The following PCDH11X variants were observed in gnomAD, a reference collection of about 807,000 sequenced individuals.
PCDH11X encodes the protein protocadherin-11 X-linked.
PCDH11X carries 18 observed loss-of-function variants against 53.3 expected under a neutral mutation model. That is an observed-to-expected ratio of 0.34 (90% CI 0.23 to 0.50). The LOEUF is 0.50. PCDH11X is among the 20% of genes least tolerant of loss of function. PCDH11X has a pLI of 0.98. For missense variants in PCDH11X, 570 were observed against 1,032.4 expected (o/e 0.55, Z 6.14); for synonymous variants, 279 against 393.3 (o/e 0.71, Z 3.44).
chrX:92,350,615 C>G (rs747524692), intron 8 of PCDH11X, among the ~76,000 whole-genome samples: 4 of 111,556 alleles, frequency 3.6e-5, no homozygotes, highest in African/African-American at 1.3e-4. Context: ...TCTCCCAGGT[C>G]CTGTAGGAGC....
At chrX:92,065,711 T>A (rs1487120573) in intron 6 of PCDH11X, among the ~76,000 whole-genome samples, 1 of 104,479 alleles carries the variant, frequency 9.6e-6, no homozygotes. Flanking sequence ...ATTGTTAGAT[T>A]TTTTTTCCTC....
intron 6 of PCDH11X, among the ~76,000 whole-genome samples, chrX:92,023,253 A>C (rs147501007): frequency 0.013 from 1,420 of 110,014 alleles, 17 homozygotes; most frequent in Non-Finnish European, 0.019. Flanking sequence ...AAAAAAAATT[A>C]ACAAAATAGA....
At chrX:91,872,609 A>G (rs1939387170) in intron 5 of PCDH11X, among the ~76,000 whole-genome samples, 2 of 108,236 alleles carry the variant, frequency 1.8e-5, no homozygotes, top group African/African-American at 6.7e-5. Context: ...ACACATAGAG[A>G]GTTTGCCCCT....
At position 92,016,901 on chromosome X, in the gene PCDH11X, C is replaced by T. The variant is rs770708341; in HGVS notation, c.3033+137628C>T. On this transcript the variant is annotated intron_variant, in intron 6 of 10. Transcript: ENST00000682573. ...CTTTTGGTATGCTTTCCTCAATAAA[C>T]TTAATCATTTTTAGCTTCTAATTTA... Among the ~76,000 whole-genome samples the T allele has an allele frequency of 3.3e-3, 359 of 107,300 alleles. 3 individuals are homozygous for T. The highest frequency in any genetic ancestry group is 0.011 in the African/African-American group (336 of 29,420). 93.2% of individuals were successfully genotyped at this position (107,300 alleles called of 115,157 possible).
chrX:92,588,312 C>T (rs1924624153), intron 10 of PCDH11X, among the ~76,000 whole-genome samples: 1 of 97,807 alleles, frequency 1.0e-5, no homozygotes, highest in Non-Finnish European at 2.0e-5. Flanking sequence ...GTCCTTTGTG[C>T]ATTGTTTAAA....
chrX:92,141,384 A>C (rs1052243718), intron 6 of PCDH11X, among the ~76,000 whole-genome samples: 2 of 112,056 alleles, frequency 1.8e-5, no homozygotes, highest in African/African-American at 6.5e-5. Flanking sequence ...CAACATGATT[A>C]AGTACTTAGT....
Position 92,451,169 on chromosome X carries a change from A to G in PCDH11X, c.3344-17130A>G, listed in dbSNP as rs2072771195. On this transcript the variant is annotated intron_variant, in intron 9 of 10. Transcript: ENST00000682573. ...CAAGAAGTTTGTTTGCAGTTTGCCC[A>G]TACCTTCACAGTAACCCGACTGCTA... Among the ~76,000 whole-genome samples, 4 of 110,854 alleles carry G rather than the reference A, an allele frequency of 3.6e-5. No individual in the cohort carries two copies. In the South Asian group the frequency reaches 1.2e-3, roughly 32 times the overall value.
chrX:91,796,389 G>GT (rs1247794653), intron 1 of PCDH11X, among the ~76,000 whole-genome samples: 1 of 110,774 alleles, frequency 9.0e-6, no homozygotes, highest in Non-Finnish European at 1.9e-5. Flanking sequence ...TTTAGGTGTA[G>GT]TTTTTTTAAT....
chrX:92,210,774 C>T (rs766640769), intron 7 of PCDH11X, among the ~76,000 whole-genome samples: 1 of 111,582 alleles, frequency 9.0e-6, no homozygotes, highest in Non-Finnish European at 1.9e-5. Flanking sequence ...CAACAGATCC[C>T]TTGAGCAGCG....
chrX:91,969,980 G>A (rs2061928446), intron 6 of PCDH11X, among the ~76,000 whole-genome samples: 1 of 109,930 alleles, frequency 9.1e-6, no homozygotes, highest in Admixed American at 9.7e-5. Flanking sequence ...GTATAATAAT[G>A]TGTCCGGAAT....
In PCDH11X at chrX:92,223,264, G is replaced by A. The variant is rs2066913717; in HGVS notation, c.3114+21809G>A. 4.5e-5 allele frequency among the ~76,000 whole-genome samples: 5 copies of A among 111,610 alleles called. No individual in the cohort carries two copies. The Admixed American group carries it at 4.8e-4, about 11-fold the overall frequency. ...ATATATTTCTCCTTTCCCAATCAGTGCTGTTTGCTTATGTGCTTAGCCACT... is the reference window on the plus strand; with the variant it reads ...ATATATTTCTCCTTTCCCAATCAGTACTGTTTGCTTATGTGCTTAGCCACT... On this transcript the variant is annotated intron_variant, in intron 7 of 10. Transcript: ENST00000682573.
At position 91,964,470 on chromosome X, in the gene PCDH11X, G is replaced by A. The variant is rs763232786; in HGVS notation, c.3033+85197G>A. Reference sequence around the variant, plus strand: ...AGCTCTTCAGCTAGAAAGAATGCATGTCGTGTTAACATGATGGTGCTATGT... The same window carrying A: ...AGCTCTTCAGCTAGAAAGAATGCATATCGTGTTAACATGATGGTGCTATGT... On this transcript the variant is annotated intron_variant, in intron 6 of 10. Transcript: ENST00000682573. Among the ~76,000 whole-genome samples the A allele has an allele frequency of 2.7e-5, 3 of 111,217 alleles. No homozygotes were observed. The Admixed American group carries it at 2.9e-4, about 11-fold the overall frequency.
At chrX:92,295,137 G>T (rs2068580068) in intron 8 of PCDH11X, among the ~76,000 whole-genome samples, 1 of 106,565 alleles carries the variant, frequency 9.4e-6, no homozygotes, top group Non-Finnish European at 1.9e-5. Flanking sequence ...CTTAAATTTT[G>T]CAAAGGGTAA....
intron 6 of PCDH11X, among the ~76,000 whole-genome samples, chrX:91,993,460 A>C (rs1176821205): frequency 3.6e-5 from 4 of 112,179 alleles, no homozygotes; most frequent in Non-Finnish European, 7.5e-5. Flanking sequence ...AAATAGAAAA[A>C]AGCTGCTATG....
intron 8 of PCDH11X, among the ~76,000 whole-genome samples, chrX:92,355,413 G>A (rs1342709538): frequency 4.4e-5 from 1 of 22,872 alleles, no homozygotes; most frequent in African/African-American, 2.6e-4. Flanking sequence ...GCGAGACTCC[G>A]TCTCAAAAAA....
In PCDH11X at chrX:91,811,228, A is replaced by G; in HGVS notation, c.-103-9A>G. 1.7e-6 allele frequency: 2 copies of G among 1,199,665 alleles called. No homozygotes were observed. The highest frequency in any genetic ancestry group is 2.2e-6 in the Non-Finnish European group (2 of 890,377). ...CTTCCCCTCCCTCTTTTTATCCCCCACTCAACAGCTGATTGCAGAGCACTA... is the reference window on the plus strand; with the variant it reads ...CTTCCCCTCCCTCTTTTTATCCCCCGCTCAACAGCTGATTGCAGAGCACTA... On this transcript the variant is annotated splice_polypyrimidine_tract_variant and intron_variant, in intron 3 of 10. Transcript: ENST00000682573.
chrX:91,901,194 G>A (rs777884901), intron 6 of PCDH11X, among the ~76,000 whole-genome samples: 1 of 111,536 alleles, frequency 9.0e-6, no homozygotes, highest in African/African-American at 3.3e-5. Context: ...AAATGTGACT[G>A]GGATATAACA....
chrX:91,831,052 G>T (rs1175515642), intron 4 of PCDH11X, among the ~76,000 whole-genome samples: 1 of 111,841 alleles, frequency 8.9e-6, no homozygotes, highest in Non-Finnish European at 1.9e-5. Flanking sequence ...TTCTAGAATT[G>T]CATATAGTAG....
chrX:92,064,068 A>AT (rs2063566739), intron 6 of PCDH11X, among the ~76,000 whole-genome samples: 1 of 96,918 alleles, frequency 1.0e-5, no homozygotes, highest in Admixed American at 1.3e-4. Flanking sequence ...GTGCACGTGT[A>AT]TTTGCTGGGG....
Sources: gnomAD v4.1 joint callset for allele counts (sites outside exome capture counted in the v4.1 genomes callset) on GRCh38, gnomAD v4.1.1 for gene constraint, MANE v1.5 for transcripts, NCBI Gene and HGNC (gene_info 2026-07-23, HGNC 2026-07-21) for gene names.